The following MDGA2 variants were observed in gnomAD, a reference collection of about 807,000 sequenced individuals.
MDGA2 encodes the protein MAM domain containing glycosylphosphatidylinositol anchor 2, also known as MAM domain-containing glycosylphosphatidylinositol anchor protein 2.
In MDGA2, 40 loss-of-function variants were observed where a neutral mutation model predicts 117.8. The observed-to-expected ratio is 0.34, with a 90% CI of 0.26 to 0.44. MDGA2 has a LOEUF of 0.44. MDGA2 is among the 20% of genes least tolerant of loss of function. MDGA2 has a pLI of 1.00. For missense variants in MDGA2, 1,123 were observed against 1,250.6 expected (o/e 0.90, Z 1.54); for synonymous variants, 452 against 439.0 (o/e 1.03, Z -0.37).
At chr14:47,666,651 G>T (rs78335755) in intron 1 of MDGA2, among the ~76,000 whole-genome samples, 19 of 152,300 alleles carry the variant, frequency 1.2e-4, no homozygotes, top group African/African-American at 4.3e-4. Flanking sequence ...CAGGATGTGG[G>T]TGGGGCCAGA....
chr14:47,317,953 C>A (rs1889859218), intron 1 of MDGA2, among the ~76,000 whole-genome samples: 1 of 152,092 alleles, frequency 6.6e-6, no homozygotes, highest in African/African-American at 2.4e-5. Flanking sequence ...AAAAAGGTGT[C>A]TTTTTTCAGC....
At chr14:47,590,978 A>C (rs1474822888) in intron 1 of MDGA2, among the ~76,000 whole-genome samples, 1 of 152,056 alleles carries the variant, frequency 6.6e-6, no homozygotes, top group Non-Finnish European at 1.5e-5. Context: ...ACAAATAATG[A>C]TGAATTGTTA....
At chr14:47,342,469 T>C (rs1175217665) in intron 1 of MDGA2, among the ~76,000 whole-genome samples, 1 of 152,008 alleles carries the variant, frequency 6.6e-6, no homozygotes. Flanking sequence ...GTATCTCTTA[T>C]TTCACAACCC....
intron 2 of MDGA2, among the ~76,000 whole-genome samples, chr14:47,271,150 C>T (rs1003743941): frequency 1.3e-5 from 2 of 152,198 alleles, no homozygotes; most frequent in Non-Finnish European, 2.9e-5. Flanking sequence ...ATCTGCACCC[C>T]AAACCTTTCC....
At chr14:47,615,607 G>C (rs1594945035) in intron 1 of MDGA2, among the ~76,000 whole-genome samples, 1 of 152,152 alleles carries the variant, frequency 6.6e-6, no homozygotes, top group Non-Finnish European at 1.5e-5. Context: ...AGTTGAATTA[G>C]GTCAGTTAGA....
At chr14:47,077,226 T>C (rs1201516851) in intron 6 of MDGA2, among the ~76,000 whole-genome samples, 1 of 152,108 alleles carries the variant, frequency 6.6e-6, no homozygotes, top group Admixed American at 6.5e-5. Context: ...CAGGCAGGCA[T>C]GCATTTTTTA....
intron 8 of MDGA2, among the ~76,000 whole-genome samples, chr14:47,006,958 A>C (rs1027662074): frequency 6.6e-6 from 1 of 151,746 alleles, no homozygotes; most frequent in Non-Finnish European, 1.5e-5. Context: ...TTGAAAGCTA[A>C]TTTAAGCAAT....
At chr14:47,029,630 T>C (rs966859034) in intron 8 of MDGA2, among the ~76,000 whole-genome samples, 1 of 152,108 alleles carries the variant, frequency 6.6e-6, no homozygotes, top group Non-Finnish European at 1.5e-5. Context: ...TGAAATATAC[T>C]CACATTACTA....
At chr14:47,670,809 G>C (rs1048142185) in intron 1 of MDGA2, among the ~76,000 whole-genome samples, 1 of 152,070 alleles carries the variant, frequency 6.6e-6, no homozygotes, top group Non-Finnish European at 1.5e-5. Context: ...AACATTCCAA[G>C]AGTATTTGGG....
At chr14:47,493,635 T>A (rs1446913084) in intron 1 of MDGA2, among the ~76,000 whole-genome samples, 1 of 152,010 alleles carries the variant, frequency 6.6e-6, no homozygotes, top group Non-Finnish European at 1.5e-5. Flanking sequence ...TCTAAAATAG[T>A]TTTTAAGTAT....
At chr14:47,579,272 T>C (rs1399175995) in intron 1 of MDGA2, among the ~76,000 whole-genome samples, 1 of 152,056 alleles carries the variant, frequency 6.6e-6, no homozygotes, top group Non-Finnish European at 1.5e-5. Flanking sequence ...GAGAATGCCA[T>C]ATTTATTTTT....
intron 1 of MDGA2, among the ~76,000 whole-genome samples, chr14:47,485,184 T>C (rs1894034301): frequency 6.6e-6 from 1 of 152,134 alleles, no homozygotes; most frequent in Admixed American, 6.5e-5. Flanking sequence ...GATAGTGATA[T>C]GAACAATAAG....
intron 1 of MDGA2, among the ~76,000 whole-genome samples, chr14:47,486,270 C>T (rs1894059252): frequency 6.6e-6 from 1 of 152,174 alleles, no homozygotes; most frequent in South Asian, 2.1e-4. Context: ...ATTAGACTGC[C>T]CTGCTGGATT....
At chr14:47,496,918 C>T (rs1193037218) in intron 1 of MDGA2, among the ~76,000 whole-genome samples, 8 of 151,846 alleles carry the variant, frequency 5.3e-5, no homozygotes, top group Non-Finnish European at 1.2e-4. Flanking sequence ...GAAACTGTTC[C>T]ACCTCAGATC....
chr14:47,377,604 C>T (rs11157555), intron 1 of MDGA2, among the ~76,000 whole-genome samples: 109,888 of 151,960 alleles, frequency 0.72, 39,986 homozygotes, highest in Middle Eastern at 0.82. Context: ...CCCACGGAGC[C>T]TTGCTCACTG....
chr14:47,111,831 T>C (rs1307819199), intron 5 of MDGA2, among the ~76,000 whole-genome samples: 1 of 152,144 alleles, frequency 6.6e-6, no homozygotes, highest in Non-Finnish European at 1.5e-5. Flanking sequence ...TTAACCTATC[T>C]TCCATATGTT....
At chr14:46,929,591 G>A (rs1376844304) in intron 9 of MDGA2, among the ~76,000 whole-genome samples, 2 of 50,634 alleles carry the variant, frequency 3.9e-5, no homozygotes, top group Non-Finnish European at 6.8e-5. Flanking sequence ...GTGTGTGTGT[G>A]TGTGTGTGTG....
intron 1 of MDGA2, among the ~76,000 whole-genome samples, chr14:47,381,696 T>A (rs192945955): frequency 1.4e-3 from 213 of 152,224 alleles, no homozygotes; most frequent in Admixed American, 8.2e-3. Context: ...AAACCACTGC[T>A]CAACGAAATA....
Position 47,066,110 on chromosome 14 carries a change from A to G in MDGA2, c.1196-4532T>C, listed in dbSNP as rs552634362. Among the ~76,000 whole-genome samples, 23 of 152,328 alleles carry G rather than the reference A, an allele frequency of 1.5e-4. No individual in the cohort carries two copies. In the South Asian group the frequency reaches 4.8e-3, roughly 32 times the overall value. Reference sequence around the variant, plus strand: ...TTACATCAGCAAAGCAACTTAAAAGATAGTAAACGATAGTATGTATAATCT... The same window carrying G: ...TTACATCAGCAAAGCAACTTAAAAGGTAGTAAACGATAGTATGTATAATCT... On this transcript the variant is annotated intron_variant, in intron 6 of 16. Transcript: ENST00000399232.
Sources: gnomAD v4.1 joint callset for allele counts (sites outside exome capture counted in the v4.1 genomes callset) on GRCh38, gnomAD v4.1.1 for gene constraint, MANE v1.5 for transcripts, NCBI Gene and HGNC (gene_info 2026-07-23, HGNC 2026-07-21) for gene names.